The following CHN1 variants were observed in gnomAD, a reference collection of about 807,000 sequenced individuals.
CHN1 encodes the protein N-chimaerin.
CHN1 carries 37 observed loss-of-function variants against 59.5 expected under a neutral mutation model. That is an observed-to-expected ratio of 0.62 (90% CI 0.48 to 0.82). The LOEUF is 0.82. CHN1 is among the 40% of genes least tolerant of loss of function. CHN1 has a pLI of 0.00. For synonymous variants in CHN1, 206 were observed against 200.4 expected, an observed-to-expected ratio of 1.03 and a Z score of -0.24; for missense variants, 469 against 571.0, an observed-to-expected ratio of 0.82 and a Z score of 1.82.
chr2:174,884,587 C>A (rs1405355901), intron 5 of CHN1, among the ~76,000 whole-genome samples: 1 of 152,124 alleles, frequency 6.6e-6, no homozygotes, highest in Non-Finnish European at 1.5e-5. Context: ...ACATACCCTA[C>A]AACATATAAA....
At chr2:174,941,495 C>G (rs968690129) in intron 3 of CHN1, among the ~76,000 whole-genome samples, 9 of 152,062 alleles carry the variant, frequency 5.9e-5, no homozygotes, top group Admixed American at 2.0e-4. Context: ...TCCTAAGAAC[C>G]CTGGTTCCCC....
chr2:174,920,014 T>G (rs1688963700), intron 3 of CHN1, among the ~76,000 whole-genome samples: 1 of 152,162 alleles, frequency 6.6e-6, no homozygotes, highest in African/African-American at 2.4e-5. Context: ...TTCAACATGT[T>G]TAGATTCCAC....
intron 6 of CHN1, among the ~76,000 whole-genome samples, chr2:174,872,524 TA>T (rs1687441376): frequency 6.6e-6 from 1 of 152,170 alleles, no homozygotes; most frequent in African/African-American, 2.4e-5. Context: ...TGTTCGATAC[TA>T]AAATGCAAAT....
chr2:174,842,119 A>C (rs372874650), intron 7 of CHN1, among the ~76,000 whole-genome samples: 1 of 152,148 alleles, frequency 6.6e-6, no homozygotes, highest in Non-Finnish European at 1.5e-5. Context: ...ACAACAACCA[A>C]AGGTCCCCCG....
intron 1 of CHN1, among the ~76,000 whole-genome samples, chr2:174,990,515 C>T (rs752614387): frequency 6.6e-6 from 1 of 152,108 alleles, no homozygotes; most frequent in Non-Finnish European, 1.5e-5. Context: ...AACTGCAGAG[C>T]CATGTGTCTG....
At chr2:174,873,743 C>A (rs1460116528) in intron 6 of CHN1, among the ~76,000 whole-genome samples, 1 of 151,952 alleles carries the variant, frequency 6.6e-6, no homozygotes, top group African/African-American at 2.4e-5. Flanking sequence ...TCTGGAGATC[C>A]CAAAAGAATT....
intron 5 of CHN1, among the ~76,000 whole-genome samples, chr2:174,902,384 A>C (rs1460475147): frequency 6.6e-6 from 1 of 152,120 alleles, no homozygotes; most frequent in Admixed American, 6.6e-5. Flanking sequence ...TATTATATCA[A>C]TGTTTTTAAA....
intron 1 of CHN1, among the ~76,000 whole-genome samples, chr2:174,958,465 C>T (rs893265549): frequency 2.0e-5 from 3 of 152,174 alleles, no homozygotes; most frequent in Admixed American, 1.3e-4. Context: ...TTGGCCCTAA[C>T]GCCTCACAGA....
intron 1 of CHN1, among the ~76,000 whole-genome samples, chr2:174,973,144 G>A (rs192669475): frequency 3.3e-5 from 5 of 152,288 alleles, no homozygotes; most frequent in Admixed American, 3.3e-4. Flanking sequence ...GAGAATGCTG[G>A]ATAACAATGA....
At chr2:174,829,037 C>T (rs1685784598) in intron 7 of CHN1, among the ~76,000 whole-genome samples, 1 of 152,076 alleles carries the variant, frequency 6.6e-6, no homozygotes, top group Non-Finnish European at 1.5e-5. Flanking sequence ...TGGTCCATCT[C>T]GACAAATGAA....
chr2:174,801,840 G>T, intron 11 of CHN1, 28 bp from the exon 12 acceptor site: 1 of 1,499,816 alleles, frequency 6.7e-7, no homozygotes, highest in Non-Finnish European at 9.3e-7. Context: ...ATACCAAGAA[G>T]AAAAGAAATA....
chr2:174,863,879 G>A (rs983943043), intron 6 of CHN1, among the ~76,000 whole-genome samples: 10 of 152,180 alleles, frequency 6.6e-5, no homozygotes, highest in South Asian at 4.1e-4. Flanking sequence ...AACACTGATC[G>A]TCAGCACTTT....
chr2:174,846,388 A>G, intron 7 of CHN1: 1 of 1,547,080 alleles, frequency 6.5e-7, no homozygotes, highest in South Asian at 1.2e-5. Flanking sequence ...CATGGTAGCC[A>G]TCCTCCTTTC....
intron 7 of CHN1, among the ~76,000 whole-genome samples, chr2:174,828,220 TA>T (rs1017204031): frequency 6.6e-6 from 1 of 152,008 alleles, no homozygotes; most frequent in African/African-American, 2.4e-5. Flanking sequence ...AAGTGGGGAA[TA>T]GGAACTGGAG....
intron 1 of CHN1, among the ~76,000 whole-genome samples, chr2:174,976,428 G>A (rs138301727): frequency 0.042 from 6,353 of 151,766 alleles, 482 homozygotes; most frequent in African/African-American, 0.15. Flanking sequence ...TAGTACAGAC[G>A]GGGTTTCACC....
chr2:175,005,065 G>GGGGAGGCGCCCGGGGAGGCTGCA lies in CHN1; in HGVS notation c.-154_-153insTGCAGCCTCCCCGGGCGCCTCCC. 7.5e-7 allele frequency: 1 copy of GGGGAGGCGCCCGGGGAGGCTGCA among 1,339,750 alleles called. No individual in the cohort carries two copies. Among genetic ancestry groups the GGGGAGGCGCCCGGGGAGGCTGCA allele is most frequent in the Admixed American group, 3.4e-5 (1 of 29,332 alleles). 83.0% of individuals were successfully genotyped at this position (1,339,750 alleles called of 1,614,324 possible). A position where few individuals can be genotyped will look rare whatever the true frequency, so the allele number is the denominator to read the frequency against. ...CCGGCGCCCGGGGAGGCTGCAGGCC[G>GGGGAGGCGCCCGGGGAGGCTGCA]GGACGCGGGGGACCGCTGCAAGAAA... On this transcript the variant is annotated 5_prime_UTR_variant, in exon 1 of 13. Coordinates refer to ENST00000409900, the MANE Select transcript of CHN1 (RefSeq NM_001822.7).
intron 1 of CHN1, among the ~76,000 whole-genome samples, chr2:174,999,457 T>C (rs1418245699): frequency 6.6e-6 from 1 of 152,206 alleles, no homozygotes; most frequent in African/African-American, 2.4e-5. Context: ...CAAGGTACTC[T>C]TTGTCATGGC....
chr2:174,825,111 C>A (rs1685642528), intron 7 of CHN1, among the ~76,000 whole-genome samples: 1 of 152,210 alleles, frequency 6.6e-6, no homozygotes, highest in African/African-American at 2.4e-5. Flanking sequence ...GCACCCTAAT[C>A]TATACAAATA....
At chr2:174,842,446 A>G (rs923758452) in intron 7 of CHN1, among the ~76,000 whole-genome samples, 15 of 152,346 alleles carry the variant, frequency 9.8e-5, no homozygotes, top group African/African-American at 3.6e-4. Flanking sequence ...AATACTTGTA[A>G]TAAATCTAAT....
Sources: allele counts gnomAD v4.1 joint callset (sites outside exome capture counted in the v4.1 genomes callset), GRCh38; gene constraint gnomAD v4.1.1; transcripts MANE v1.5; gene names NCBI Gene and HGNC (gene_info 2026-07-23, HGNC 2026-07-21).